SLC38A11: variants seen among roughly 807,000 people sequenced by gnomAD.
The protein encoded by SLC38A11 is solute carrier family 38 member 11.
A neutral mutation model predicts 49.4 loss-of-function variants in SLC38A11; 51 were observed. The observed-to-expected ratio is 1.03, with a 90% confidence interval of 0.83 to 1.30. The LOEUF is 1.30. SLC38A11 is among the 50% of genes most tolerant of loss of function. The pLI is 0.00. For missense variants in SLC38A11, 574 were observed against 556.2 expected, an observed-to-expected ratio of 1.03 and a Z score of -0.32; for synonymous variants, 203 against 192.9, an observed-to-expected ratio of 1.05 and a Z score of -0.43.
intron 7 of SLC38A11, among the ~76,000 whole-genome samples, chr2:164,933,835 A>G (rs1456270894): frequency 6.6e-6 from 1 of 152,154 alleles, no homozygotes; most frequent in Non-Finnish European, 1.5e-5. Flanking sequence ...CTGATTGTAA[A>G]TCAGGATGAA....
intron 11 of SLC38A11, among the ~76,000 whole-genome samples, chr2:164,899,936 C>T (rs1321358946): frequency 1.3e-5 from 2 of 152,052 alleles, no homozygotes; most frequent in African/African-American, 2.4e-5. Flanking sequence ...ACCTACCTCT[C>T]TACATTTCCT....
chr2:164,926,909 T>G (rs1573946306), intron 7 of SLC38A11, among the ~76,000 whole-genome samples: 1 of 150,756 alleles, frequency 6.6e-6, no homozygotes, highest in African/African-American at 2.4e-5. Flanking sequence ...ATATACCTAA[T>G]GTAAATGACG....
At chr2:164,926,673 C>T (rs945172818) in intron 7 of SLC38A11, among the ~76,000 whole-genome samples, 16 of 152,020 alleles carry the variant, frequency 1.1e-4, no homozygotes, top group African/African-American at 3.4e-4. Context: ...CCATGAAATA[C>T]TATGCAGCCA....
chr2:164,910,145 A>G (rs1685299256), intron 10 of SLC38A11, among the ~76,000 whole-genome samples: 1 of 152,042 alleles, frequency 6.6e-6, no homozygotes. Flanking sequence ...AAGAGAAGGG[A>G]AAGTTATAGA....
intron 5 of SLC38A11, among the ~76,000 whole-genome samples, chr2:164,941,394 A>G (rs751136330): frequency 2.6e-5 from 4 of 152,096 alleles, no homozygotes; most frequent in Non-Finnish European, 5.9e-5. Context: ...ATAAAAATAG[A>G]GCTTTGGTAA....
chr2:164,919,624 T>C (rs1686039798), intron 7 of SLC38A11, among the ~76,000 whole-genome samples: 1 of 152,198 alleles, frequency 6.6e-6, no homozygotes, highest in Non-Finnish European at 1.5e-5. Context: ...AAGTCCCTGA[T>C]ATAAAATGGT....
intron 2 of SLC38A11, 59 bp from the exon 3 acceptor site, chr2:164,952,840 A>T (rs1029593613): frequency 4.7e-6 from 6 of 1,285,026 alleles, no homozygotes; most frequent in Middle Eastern, 1.9e-4. Flanking sequence ...AAACACAGAA[A>T]TTCCCCCCTT....
chr2:164,905,172 C>T (rs1684911031), intron 11 of SLC38A11, among the ~76,000 whole-genome samples: 1 of 151,872 alleles, frequency 6.6e-6, no homozygotes, highest in South Asian at 2.1e-4. Context: ...GGCTAGAGTG[C>T]ACTGGCGCAA....
At chr2:164,920,476 A>C (rs756173105) in intron 7 of SLC38A11, among the ~76,000 whole-genome samples, 5 of 152,100 alleles carry the variant, frequency 3.3e-5, no homozygotes, top group African/African-American at 7.2e-5. Flanking sequence ...GACCCCACTA[A>C]AATGCTACTA....
chr2:164,923,663 GGTGCACACCT>G (rs1368208271), intron 7 of SLC38A11, among the ~76,000 whole-genome samples: 1 of 152,182 alleles, frequency 6.6e-6, no homozygotes, highest in Non-Finnish European at 1.5e-5. Flanking sequence ...CACGCGTGGT[GGTGCACACCT>G]GTAGTCCCAG....
intron 10 of SLC38A11, among the ~76,000 whole-genome samples, chr2:164,909,949 A>G (rs1685283593): frequency 6.6e-6 from 1 of 152,306 alleles, no homozygotes; most frequent in Admixed American, 6.5e-5. Flanking sequence ...TTTAAGATCC[A>G]TTCTTACAGA....
At chr2:164,916,001 A>G (rs1270620553) in intron 7 of SLC38A11, 28 bp from the exon 8 acceptor site, 1 of 1,470,494 alleles carries the variant, frequency 6.8e-7, no homozygotes, top group East Asian at 2.3e-5. Flanking sequence ...TAACTTGATA[A>G]ATTGTTAAAT....
At chr2:164,951,047 T>C (rs1688490616) in intron 3 of SLC38A11, among the ~76,000 whole-genome samples, 5 of 152,204 alleles carry the variant, frequency 3.3e-5, no homozygotes, top group Admixed American at 2.6e-4. Flanking sequence ...TAAGTAAATT[T>C]GCAATATGTG....
intron 11 of SLC38A11, among the ~76,000 whole-genome samples, chr2:164,904,414 A>G (rs978805550): frequency 2.8e-4 from 42 of 150,774 alleles, no homozygotes; most frequent in African/African-American, 9.2e-4. Context: ...TGAAAACAAG[A>G]AAAAAAAAGG....
In SLC38A11 at chr2:164,898,567, G is replaced by T. The variant is rs750871757; in HGVS notation, c.1259C>A (p.Thr420Asn). 2 of 1,613,664 alleles carry T rather than the reference G, an allele frequency of 1.2e-6. No homozygotes were observed. The highest frequency in any genetic ancestry group is 2.2e-5 in the South Asian group (2 of 91,080). ...TTCCTGCCCATGGGTGCAGTCTTGA[G>T]TATTTGTAATAGCCATGACGAATCC... is the stretch of plus-strand genomic sequence containing the variant. Reference protein sequence around the residue: ...VFGFVMAITNTQDCTHGQEMF... With the variant: ...VFGFVMAITNNQDCTHGQEMF... Residue 420 changes from threonine to asparagine, a missense_variant, in exon 12 of 12, where the codon ACT becomes AAT. Thr to Asn is a moderately conservative substitution (Grantham distance 65, BLOSUM62 0). Coordinates refer to ENST00000685975, the MANE Select transcript of SLC38A11 (RefSeq NM_001351537.2).
rs533885086 is a variant in SLC38A11, at chr2:164,952,137, G to A, written c.229+570C>T. On this transcript the variant is annotated intron_variant, in intron 3 of 11. Coordinates refer to ENST00000685975, the MANE Select transcript of SLC38A11 (RefSeq NM_001351537.2). ...CATTTAAATGGGAGAGTGACAAAAC[G>A]TGGGTGTGAATGAACTATTTACATG... Among the ~76,000 whole-genome samples, 278 of 152,298 alleles carry A rather than the reference G, an allele frequency of 1.8e-3. 1 individual carries two copies. The highest frequency in any genetic ancestry group is 2.1e-3 in the Non-Finnish European group (142 of 68,024).
chr2:164,905,718 C>A (rs745731524), intron 11 of SLC38A11, among the ~76,000 whole-genome samples: 47 of 151,938 alleles, frequency 3.1e-4, no homozygotes, highest in Non-Finnish European at 5.3e-4. Flanking sequence ...TTGTCTTGGG[C>A]TATTAGGTCA....
intron 3 of SLC38A11, among the ~76,000 whole-genome samples, chr2:164,947,080 C>T (rs1170735018): frequency 7.2e-6 from 1 of 138,074 alleles, no homozygotes; most frequent in African/African-American, 2.7e-5. Flanking sequence ...GTTTCTTTTA[C>T]TCTGCTCAAG....
chr2:164,933,793 A>G (rs1687174056), intron 7 of SLC38A11, among the ~76,000 whole-genome samples: 2 of 152,128 alleles, frequency 1.3e-5, no homozygotes, highest in South Asian at 4.1e-4. Context: ...ACTAGCTACC[A>G]TGCCAACTCC....
Sources: allele counts gnomAD v4.1 joint callset (sites outside exome capture counted in the v4.1 genomes callset), GRCh38; gene constraint gnomAD v4.1.1; transcripts MANE v1.5; gene names NCBI Gene and HGNC (gene_info 2026-07-23, HGNC 2026-07-21).